Variants in HEPACAM2 observed in about 807,000 individuals in gnomAD.
The protein encoded by HEPACAM2 is HEPACAM family member 2.
A neutral mutation model predicts 49.6 loss-of-function variants in HEPACAM2; 49 were observed. That is an observed-to-expected ratio of 0.99 (90% CI 0.78 to 1.25). HEPACAM2 has a LOEUF of 1.25. HEPACAM2 is among the 50% of genes most tolerant of loss of function. The probability of loss-of-function intolerance (pLI) is 0.00; values close to 1 mark genes in which losing one functional copy is unlikely to be tolerated. For missense variants in HEPACAM2, 525 were observed against 557.2 expected, an observed-to-expected ratio of 0.94 and a Z score of 0.58; for synonymous variants, 197 against 202.9, an observed-to-expected ratio of 0.97 and a Z score of 0.25.
intron 1 of HEPACAM2, 120 bp from the exon 2 acceptor site, chr7:93,219,571 TACTG>T: frequency 6.5e-7 from 1 of 1,528,922 alleles, no homozygotes; most frequent in Non-Finnish European, 8.7e-7. Flanking sequence ...GGCTTCTAGG[TACTG>T]ACTATTCTAG....
intron 4 of HEPACAM2, among the ~76,000 whole-genome samples, chr7:93,204,859 G>A (rs1220029370): frequency 6.6e-6 from 1 of 152,140 alleles, no homozygotes; most frequent in African/African-American, 2.4e-5. Flanking sequence ...CTGCACTTTG[G>A]GAGGCCGAGG....
At position 93,215,407 on chromosome 7, in the gene HEPACAM2, T is replaced by C. The variant is rs767503993; in HGVS notation, c.709A>G (p.Ile237Val). The change falls in exon 3 of 10, where the codon ATA (isoleucine) becomes GTA (valine). Residue 237 changes from isoleucine (I) to valine (V), a missense_variant. Transcript: ENST00000394468. ...EMESDIIMPI[I>V]YYGPYGLQVN... The stretch of plus-strand genomic sequence containing the variant: ...TAAAAAAAAATAAACTTACAATATA[T>C]GATGGGCATAATGATATCACTTTCC... The C allele has an allele frequency of 1.2e-5, 19 of 1,612,586 alleles. No homozygotes were observed. The highest frequency in any genetic ancestry group is 1.4e-5 in the Non-Finnish European group (16 of 1,179,056).
At chr7:93,189,661 G>T (rs1274362497) in intron 9 of HEPACAM2, among the ~76,000 whole-genome samples, 1 of 151,896 alleles carries the variant, frequency 6.6e-6, no homozygotes, top group Non-Finnish European at 1.5e-5. Flanking sequence ...TTACCAGTTT[G>T]TTAAACAGCA....
intron 9 of HEPACAM2, among the ~76,000 whole-genome samples, 191 bp downstream of exon 9, chr7:93,192,063 G>A (rs549339241): frequency 1.5e-4 from 23 of 152,176 alleles, no homozygotes; most frequent in Admixed American, 6.6e-4. Context: ...CATGGCCCTC[G>A]AAGATATTTG....
chr7:93,219,062 T>C (rs1231868486), intron 2 of HEPACAM2, 39 bp downstream of exon 2: 1 of 1,575,344 alleles, frequency 6.3e-7, no homozygotes, highest in South Asian at 1.1e-5. Context: ...CTAACTACCA[T>C]GCTAGACTGC....
At chr7:93,226,222 AAC>A (rs1224988125) in intron 1 of HEPACAM2, 144 bp downstream of exon 1, 7 of 610,498 alleles carry the variant, frequency 1.1e-5, no homozygotes, top group South Asian at 4.2e-5. Context: ...TCTTTGCTGT[AAC>A]AGTGTGTTAT....
intron 1 of HEPACAM2, among the ~76,000 whole-genome samples, chr7:93,223,973 T>C (rs1319568717): frequency 6.6e-6 from 1 of 152,192 alleles, no homozygotes; most frequent in Non-Finnish European, 1.5e-5. Context: ...GATGAATTCA[T>C]GCTGTCAAAC....
intron 4 of HEPACAM2, among the ~76,000 whole-genome samples, chr7:93,204,087 A>G (rs900676455): frequency 5.3e-5 from 8 of 152,130 alleles, no homozygotes; most frequent in Non-Finnish European, 8.8e-5. Flanking sequence ...TAGTAAATTC[A>G]TTTTCCTGCC....
At position 93,192,302 on chromosome 7, in the gene HEPACAM2, A is replaced by G. The variant is rs1793572067; in HGVS notation, c.1337T>C (p.Val446Ala). Residue 446 changes from valine (V) to alanine (A), a missense_variant, in exon 9 of 10, where the codon GTG becomes GCG. By Grantham distance (64) the Val-to-Ala change is moderately conservative. Transcript: ENST00000394468. ...AGGGATGTGCTGAATAACTTCATAC[A>G]CTGTACTGTGCAAATCTTGCCCCGA... ...CVSGQDLHST[V>A]YEVIQHIPAQ... The G allele has an allele frequency of 1.9e-6, 3 of 1,612,774 alleles. No homozygotes were observed. Among genetic ancestry groups the G allele is most frequent in the Admixed American group, 3.3e-5 (2 of 59,892 alleles).
intron 1 of HEPACAM2, among the ~76,000 whole-genome samples, chr7:93,224,381 T>A (rs1431801857): frequency 1.3e-5 from 2 of 152,200 alleles, no homozygotes; most frequent in Non-Finnish European, 2.9e-5. Context: ...ATTTTATTAT[T>A]ATATTCACTA....
At chr7:93,215,370 C>A in intron 3 of HEPACAM2, 31 bp downstream of exon 3, 1 of 1,589,956 alleles carries the variant, frequency 6.3e-7, no homozygotes, top group Admixed American at 1.7e-5. Flanking sequence ...CAACAAAAAA[C>A]AACTCATGAG....
At chr7:93,193,987 C>T (rs2116628750) in intron 8 of HEPACAM2, among the ~76,000 whole-genome samples, 1 of 152,234 alleles carries the variant, frequency 6.6e-6, no homozygotes, top group Middle Eastern at 3.4e-3. Context: ...CTCACTTCTT[C>T]CCCAAAGCAC....
intron 4 of HEPACAM2, among the ~76,000 whole-genome samples, chr7:93,199,339 T>C (rs1324837463): frequency 6.6e-6 from 1 of 152,132 alleles, no homozygotes; most frequent in Non-Finnish European, 1.5e-5. Context: ...ATCATGAAGC[T>C]TTTTAGATTA....
chr7:93,205,100 CAAAA>C (rs770467095), intron 4 of HEPACAM2, among the ~76,000 whole-genome samples: 2 of 79,640 alleles, frequency 2.5e-5, no homozygotes, highest in Non-Finnish European at 5.2e-5. Flanking sequence ...AACTTCATCT[CAAAA>C]AAAAAAAAAA....
chr7:93,206,918 T>G (rs1044674386), intron 4 of HEPACAM2, among the ~76,000 whole-genome samples: 1 of 152,092 alleles, frequency 6.6e-6, no homozygotes, highest in East Asian at 1.9e-4. Flanking sequence ...TTTAGGAACT[T>G]TTTAGTAAAT....
At chr7:93,194,239 T>C (rs925193382) in intron 8 of HEPACAM2, among the ~76,000 whole-genome samples, 2 of 152,100 alleles carry the variant, frequency 1.3e-5, no homozygotes, top group African/African-American at 2.4e-5. Context: ...GATTTAAAAT[T>C]TCTTACATAA....
At chr7:93,198,942 T>C (rs1793806923) in intron 4 of HEPACAM2, among the ~76,000 whole-genome samples, 1 of 152,106 alleles carries the variant, frequency 6.6e-6, no homozygotes, top group Non-Finnish European at 1.5e-5. Context: ...CATTTCTTAA[T>C]CTTACAGGAA....
At chr7:93,217,904 G>C (rs1794347965) in intron 2 of HEPACAM2, among the ~76,000 whole-genome samples, 1 of 151,670 alleles carries the variant, frequency 6.6e-6, no homozygotes, top group Non-Finnish European at 1.5e-5. Context: ...GTGTGTGTGT[G>C]TGTGTGTGTG....
rs377692766 is a variant in HEPACAM2 at position 93,223,239 on chromosome 7, GATTT to G, written c.79+3125_79+3128del. 3.0e-4 allele frequency among the ~76,000 whole-genome samples: 46 copies of G among 152,254 alleles called. No individual in the cohort carries two copies. The East Asian group carries it at 7.7e-3, about 26-fold the overall frequency. On this transcript the variant is annotated intron_variant, in intron 1 of 9. Transcript: ENST00000394468. ...TTGTAGTTATATTTGAAAAGATTGA[GATTT>G]ATTTAATATTCTGGAAATGGTTGGG...
Sources: allele counts gnomAD v4.1 joint callset (sites outside exome capture counted in the v4.1 genomes callset), GRCh38; gene constraint gnomAD v4.1.1; transcripts MANE v1.5; gene names NCBI Gene and HGNC (gene_info 2026-07-23, HGNC 2026-07-21).